UVRAG: variants seen among roughly 807,000 people sequenced by gnomAD.
UVRAG encodes UV radiation resistance-associated gene protein.
UVRAG carries 19 observed loss-of-function variants against 78.0 expected under a neutral mutation model. The ratio of observed to expected loss-of-function variants is 0.24; its 90% CI spans 0.17 to 0.36. UVRAG has a LOEUF of 0.36. Among genes scored for constraint, UVRAG ranks in the 10% least tolerant of loss-of-function variants. UVRAG has a pLI of 1.00. For synonymous variants in UVRAG, 323 were observed against 324.6 expected (o/e 1.00, Z 0.05); for missense variants, 740 against 853.8 (o/e 0.87, Z 1.66).
rs1478310271 is a variant in UVRAG, at chr11:75,828,805, A to ATAT, written c.117+13282_117+13283insATT. On this transcript the variant is annotated intron_variant, in intron 1 of 14. Coordinates refer to ENST00000356136, the MANE Select transcript of UVRAG (RefSeq NM_003369.4). The stretch of plus-strand genomic sequence containing the variant: ...CATATATATATATATATATATATAT[A>ATAT]TTTTTTTTTTTTTGTAGAGACAGGG... 3.1e-4 allele frequency among the ~76,000 whole-genome samples: 31 copies of ATAT among 100,266 alleles called. 1 individual carries two copies. In the South Asian group the frequency reaches 4.8e-3, roughly 16 times the overall value. The allele number at this position is 100,266 out of a possible 152,430, so 65.8% of individuals were successfully genotyped here.
chr11:75,981,917 T>TC (rs970270988), intron 7 of UVRAG, among the ~76,000 whole-genome samples: 5 of 152,144 alleles, frequency 3.3e-5, no homozygotes, highest in African/African-American at 9.7e-5. Context: ...TTTCTAGTTT[T>TC]TTTTTTCCTA....
intron 5 of UVRAG, chr11:75,911,081 C>T (rs948340642): frequency 5.2e-5 from 8 of 152,874 alleles, no homozygotes; most frequent in Admixed American, 1.3e-4. Flanking sequence ...GACCTAACAC[C>T]GAATTTATCA....
At chr11:75,968,044 C>A (rs548413871) in intron 7 of UVRAG, among the ~76,000 whole-genome samples, 15 of 152,274 alleles carry the variant, frequency 9.9e-5, no homozygotes, top group Admixed American at 2.0e-4. Flanking sequence ...ATCAAAAATC[C>A]AAAATCCAAA....
In UVRAG at chr11:75,866,592, CT is replaced by C. The variant is rs958252347; in HGVS notation, c.270+4822del. ...CAAAAACTAAATAAAAAACTTTGTG[CT>C]TTTTTTTTTAATACCACTAGTCTCA... On this transcript the variant is annotated intron_variant, in intron 3 of 14. Coordinates refer to ENST00000356136, the MANE Select transcript of UVRAG (RefSeq NM_003369.4). Among the ~76,000 whole-genome samples the C allele has an allele frequency of 3.7e-3, 538 of 146,420 alleles. 2 individuals are homozygous for C. The highest frequency in any genetic ancestry group is 0.011 in the African/African-American group (452 of 40,118).
At chr11:75,816,508 A>T (rs937724167) in intron 1 of UVRAG, among the ~76,000 whole-genome samples, 1 of 152,228 alleles carries the variant, frequency 6.6e-6, no homozygotes, top group Non-Finnish European at 1.5e-5. Flanking sequence ...GGATTTGTGC[A>T]AAGGGCTCAG....
At chr11:75,920,845 G>T (rs1359848569) in intron 6 of UVRAG, among the ~76,000 whole-genome samples, 1 of 152,044 alleles carries the variant, frequency 6.6e-6, no homozygotes, top group Non-Finnish European at 1.5e-5. Flanking sequence ...ACACATACTT[G>T]GGTTTCTTGT....
Position 75,852,043 on chromosome 11 carries a change from T to C in UVRAG, c.235+43T>C, listed in dbSNP as rs1439655985. 4 of 1,400,704 alleles carry C rather than the reference T, an allele frequency of 2.9e-6. No individual in the cohort carries two copies. The Admixed American group carries it at 6.7e-5, about 23-fold the overall frequency. 86.8% of individuals were successfully genotyped at this position (1,400,704 alleles called of 1,614,324 possible). On this transcript the variant is annotated intron_variant, in intron 2 of 14. Transcript: ENST00000356136. ...CTTACTACCCACAGATTGTTATATT[T>C]TTATTTTTTTTGTAACACAAGTGAT...
chr11:75,913,655 T>C lies in UVRAG; in HGVS notation c.593+1616T>C, dbSNP rs12288542. Among the ~76,000 whole-genome samples, 731 of 152,290 alleles carry C rather than the reference T, an allele frequency of 4.8e-3. 7 individuals carry two copies. Among genetic ancestry groups the C allele is most frequent in the African/African-American group, 0.017 (696 of 41,558 alleles). Reference sequence around the variant, plus strand: ...GCTGAGGCCAAGAGGCATTAAATGTTTTATCTATCTGAGGGCACACAGCAA... The same window carrying C: ...GCTGAGGCCAAGAGGCATTAAATGTCTTATCTATCTGAGGGCACACAGCAA... On this transcript the variant is annotated intron_variant, in intron 6 of 14. Transcript: ENST00000356136.
intron 13 of UVRAG, among the ~76,000 whole-genome samples, chr11:76,095,135 G>C (rs1951766129): frequency 6.6e-6 from 1 of 152,166 alleles, no homozygotes; most frequent in Non-Finnish European, 1.5e-5. Flanking sequence ...TGTCAGGATG[G>C]AAAAAGAACT....
At chr11:75,944,814 G>T (rs922199055) in intron 6 of UVRAG, among the ~76,000 whole-genome samples, 1 of 152,082 alleles carries the variant, frequency 6.6e-6, no homozygotes, top group East Asian at 1.9e-4. Context: ...GTTTAATTGT[G>T]AAAAGAATAT....
At chr11:76,049,693 C>T (rs1230498702) in intron 12 of UVRAG, among the ~76,000 whole-genome samples, 2 of 152,214 alleles carry the variant, frequency 1.3e-5, no homozygotes, top group African/African-American at 2.4e-5. Flanking sequence ...TCCCTCCATT[C>T]CACAAATAAA....
At chr11:75,907,543 T>G (rs1947641946) in intron 5 of UVRAG, among the ~76,000 whole-genome samples, 1 of 152,106 alleles carries the variant, frequency 6.6e-6, no homozygotes, top group South Asian at 2.1e-4. Context: ...TGACAGAGTC[T>G]TGCTCTGTCA....
At chr11:76,087,600 G>A (rs780665752) in intron 13 of UVRAG, among the ~76,000 whole-genome samples, 13 of 152,024 alleles carry the variant, frequency 8.6e-5, no homozygotes, top group East Asian at 1.9e-4. Flanking sequence ...TTCGAAGCTC[G>A]GAAAAATTAA....
intron 8 of UVRAG, among the ~76,000 whole-genome samples, chr11:76,001,548 T>C (rs1949814776): frequency 6.6e-6 from 1 of 152,176 alleles, no homozygotes; most frequent in African/African-American, 2.4e-5. Context: ...TTGATAAACC[T>C]GTAGCCATAT....
At chr11:76,131,353 C>T (rs556573723) in intron 14 of UVRAG, among the ~76,000 whole-genome samples, 2 of 152,296 alleles carry the variant, frequency 1.3e-5, no homozygotes, top group East Asian at 1.9e-4. Context: ...CGGCAATAGG[C>T]ACCCCCTCAT....
chr11:75,838,992 A>G (rs1203035754), intron 1 of UVRAG: 2 of 152,272 alleles, frequency 1.3e-5, no homozygotes, highest in African/African-American at 4.8e-5. Context: ...CTCACCAGCA[A>G]AAAGGCTCTC....
At chr11:75,898,583 C>T (rs1947406833) in intron 5 of UVRAG, among the ~76,000 whole-genome samples, 1 of 152,144 alleles carries the variant, frequency 6.6e-6, no homozygotes, top group Non-Finnish European at 1.5e-5. Flanking sequence ...CAGAACACAT[C>T]TCTCCCTCTT....
chr11:76,134,913 G>T (rs1019451418), intron 14 of UVRAG, among the ~76,000 whole-genome samples: 1 of 152,160 alleles, frequency 6.6e-6, no homozygotes, highest in South Asian at 2.1e-4. Flanking sequence ...GAACCGGGCC[G>T]CACAGCAGGA....
At chr11:76,114,297 A>G (rs1591253504) in intron 13 of UVRAG, among the ~76,000 whole-genome samples, 1 of 151,960 alleles carries the variant, frequency 6.6e-6, no homozygotes, top group African/African-American at 2.4e-5. Context: ...AAGGTCTGCA[A>G]ATCTCAGGAG....
Sources: gnomAD v4.1 joint callset for allele counts (sites outside exome capture counted in the v4.1 genomes callset) on GRCh38, gnomAD v4.1.1 for gene constraint, MANE v1.5 for transcripts, NCBI Gene and HGNC (gene_info 2026-07-23, HGNC 2026-07-21) for gene names.